The following TPRG1 variants were observed in gnomAD, a reference collection of about 807,000 sequenced individuals.
The protein encoded by TPRG1 is tumor protein p63 regulated 1, also known as tumor protein p63-regulated gene 1 protein.
A neutral mutation model predicts 29.3 loss-of-function variants in TPRG1; 29 were observed. The ratio of observed to expected loss-of-function variants is 0.99; its 90% CI spans 0.74 to 1.35. The LOEUF is 1.35. Among genes scored for constraint, TPRG1 ranks in the 40% most tolerant of loss-of-function variants. The probability of loss-of-function intolerance (pLI) is 0.00; values close to 1 mark genes in which losing one functional copy is unlikely to be tolerated. For synonymous variants in TPRG1, 130 were observed against 116.8 expected, an observed-to-expected ratio of 1.11 and a Z score of -0.73; for missense variants, 327 against 335.0, an observed-to-expected ratio of 0.98 and a Z score of 0.19.
intron 1 of TPRG1, among the ~76,000 whole-genome samples, chr3:189,112,068 T>A (rs972347877): frequency 1.3e-5 from 2 of 152,206 alleles, no homozygotes; most frequent in African/African-American, 4.8e-5. Context: ...ATTTGTTTTT[T>A]TCCTTTGTAT....
intron 4 of TPRG1, among the ~76,000 whole-genome samples, chr3:189,046,157 A>G (rs78935281): frequency 5.3e-4 from 81 of 152,332 alleles, no homozygotes; most frequent in African/African-American, 1.8e-3. Flanking sequence ...GAAAAACCCA[A>G]TCGAATCTTG....
chr3:189,071,067 GA>G (rs74731300), intron 4 of TPRG1, among the ~76,000 whole-genome samples: 12,555 of 76,156 alleles, frequency 0.16, 1,458 homozygotes, highest in African/African-American at 0.37. Context: ...CAAAGAAAAA[GA>G]AAAAAAAAAA....
chr3:189,159,954 T>C (rs969748308), intron 5 of TPRG1, among the ~76,000 whole-genome samples: 82 of 151,786 alleles, frequency 5.4e-4, no homozygotes, highest in African/African-American at 1.8e-3. Context: ...GTGTGAGGGG[T>C]TGGCTTTCTC....
chr3:189,117,340 C>A, intron 1 of TPRG1, among the ~76,000 whole-genome samples: 1 of 152,202 alleles, frequency 6.6e-6, no homozygotes, highest in Admixed American at 6.5e-5. Flanking sequence ...TTGCCAGCAC[C>A]TTTCCACCAC....
At chr3:189,117,287 C>T (rs1721293812) in intron 1 of TPRG1, among the ~76,000 whole-genome samples, 1 of 152,166 alleles carries the variant, frequency 6.6e-6, no homozygotes, top group Non-Finnish European at 1.5e-5. Context: ...GGTTGCTCAA[C>T]CATGTGGGAC....
At chr3:189,145,359 T>TAAAAAAAAA (rs58210295) in intron 3 of TPRG1, among the ~76,000 whole-genome samples, 1 of 107,392 alleles carries the variant, frequency 9.3e-6, no homozygotes, top group African/African-American at 3.4e-5. Context: ...AGACTCCATC[T>TAAAAAAAAA]AAAAAAAAAA....
At chr3:189,320,015 T>C (rs1377117050) in intron 5 of TPRG1, among the ~76,000 whole-genome samples, 1 of 152,124 alleles carries the variant, frequency 6.6e-6, no homozygotes, top group East Asian at 1.9e-4. Flanking sequence ...GAATACAGTA[T>C]GTGAAGTAAC....
chr3:189,167,886 A>G (rs575999350), upstream of TPRG1, among the ~76,000 whole-genome samples: 29 of 152,280 alleles, frequency 1.9e-4, 1 homozygote, highest in East Asian at 5.4e-3. Flanking sequence ...TTTGCAAAGG[A>G]GAAAGAGAGG....
At chr3:189,262,219 T>TAAGTATAAGTATAAGTATAAGTATAA in intron 4 of TPRG1, among the ~76,000 whole-genome samples, 1 of 150,700 alleles carries the variant, frequency 6.6e-6, no homozygotes, top group African/African-American at 2.5e-5. Flanking sequence ...AGTATAAGTA[T>TAAGTATAAGTATAAGTATAAGTATAA]AAGTATAAGT....
chr3:189,007,608 T>C (rs946452315), intron 3 of TPRG1, among the ~76,000 whole-genome samples: 3 of 151,218 alleles, frequency 2.0e-5, no homozygotes, highest in African/African-American at 7.3e-5. Context: ...GTATGTTTAT[T>C]GTGGCATTAT....
chr3:189,008,547 T>A (rs572363649), intron 3 of TPRG1, among the ~76,000 whole-genome samples: 1 of 152,332 alleles, frequency 6.6e-6, no homozygotes, highest in South Asian at 2.1e-4. Flanking sequence ...CAATTTTACT[T>A]TAACTAACTA....
chr3:189,241,812 C>T (rs1740651856), intron 4 of TPRG1, among the ~76,000 whole-genome samples: 1 of 152,148 alleles, frequency 6.6e-6, no homozygotes. Context: ...TTTTCTCTTG[C>T]TGCCACCATG....
chr3:189,238,036 A>G (rs1739816608), intron 3 of TPRG1, among the ~76,000 whole-genome samples: 1 of 152,188 alleles, frequency 6.6e-6, no homozygotes, highest in Non-Finnish European at 1.5e-5. Context: ...GAAATTCTGA[A>G]TTCTCAGTCA....
At chr3:189,319,353 T>G (rs896053034) in intron 5 of TPRG1, among the ~76,000 whole-genome samples, 1 of 152,088 alleles carries the variant, frequency 6.6e-6, no homozygotes, top group Non-Finnish European at 1.5e-5. Context: ...AACAAAATCC[T>G]CCATCCCTGT....
At chr3:189,039,112 T>C (rs904675998) in intron 4 of TPRG1, among the ~76,000 whole-genome samples, 1 of 152,224 alleles carries the variant, frequency 6.6e-6, no homozygotes, top group African/African-American at 2.4e-5. Context: ...GGGAAACCTA[T>C]GCAGGGTCAC....
rs976973579 is a variant in TPRG1 at position 189,088,719 on chromosome 3, A to G, written c.-462-38338A>G. On this transcript the variant is annotated intron_variant, in intron 4 of 10. Transcript: ENST00000433971. ...AGAGAGCATTTGTGATCCATGTGTG[A>G]GAGGAGGGGAAGAGAGAAATAAAAG... Among the ~76,000 whole-genome samples the G allele has an allele frequency of 3.9e-5, 6 of 152,194 alleles. No homozygotes were observed. The East Asian group carries it at 9.6e-4, about 24-fold the overall frequency.
At chr3:189,183,181 T>C (rs1163333355) in intron 1 of TPRG1, among the ~76,000 whole-genome samples, 4 of 152,072 alleles carry the variant, frequency 2.6e-5, no homozygotes, top group Admixed American at 2.6e-4. Context: ...AAGCTGGGCG[T>C]CCGGGGGAGA....
chr3:189,226,948 T>A (rs1393809304), intron 3 of TPRG1, among the ~76,000 whole-genome samples: 1 of 151,878 alleles, frequency 6.6e-6, no homozygotes, highest in Non-Finnish European at 1.5e-5. Context: ...ACATATCAAT[T>A]TGACAACTCA....
chr3:189,082,414 A>G (rs1022578380), intron 4 of TPRG1, among the ~76,000 whole-genome samples: 1 of 152,184 alleles, frequency 6.6e-6, no homozygotes, highest in African/African-American at 2.4e-5. Context: ...ACTATGCTTT[A>G]TCTAGGAAGA....
Sources: allele counts gnomAD v4.1 joint callset (sites outside exome capture counted in the v4.1 genomes callset), GRCh38; gene constraint gnomAD v4.1.1; transcripts MANE v1.5; gene names NCBI Gene and HGNC (gene_info 2026-07-23, HGNC 2026-07-21).